PCDH15: variants seen among roughly 807,000 people sequenced by gnomAD.
PCDH15 encodes the protein protocadherin-15.
PCDH15 carries 129 observed loss-of-function variants against 178.5 expected under a neutral mutation model. The observed-to-expected ratio is 0.72, with a 90% CI of 0.63 to 0.84. The LOEUF (loss-of-function observed/expected upper bound fraction) is 0.84. PCDH15 is among the 40% of genes least tolerant of loss of function. The pLI, the probability that PCDH15 is intolerant of heterozygous loss-of-function variation, is 0.00. For missense variants in PCDH15, 2,230 were observed against 2,099.9 expected (o/e 1.06, Z -1.21); for synonymous variants, 800 against 732.0 (o/e 1.09, Z -1.50).
intron 3 of PCDH15, among the ~76,000 whole-genome samples, chr10:54,505,146 A>G (rs1444799039): frequency 1.3e-5 from 2 of 152,122 alleles, no homozygotes; most frequent in Non-Finnish European, 2.9e-5. Context: ...TGGTAACTTC[A>G]AATTGAGAAT....
At chr10:54,930,512 G>A (rs960437020) in intron 2 of PCDH15, among the ~76,000 whole-genome samples, 2 of 152,102 alleles carry the variant, frequency 1.3e-5, no homozygotes, top group South Asian at 2.1e-4. Context: ...CCCAGACAAC[G>A]ATGCTGCTTC....
At chr10:54,067,281 TAAAA>T (rs1226149939) in intron 17 of PCDH15, among the ~76,000 whole-genome samples, 2 of 152,138 alleles carry the variant, frequency 1.3e-5, no homozygotes, top group Non-Finnish European at 2.9e-5. Context: ...TTTGACTGTT[TAAAA>T]ATAAAACCAG....
At chr10:55,507,774 G>A (rs912056501) in intron 2 of PCDH15, among the ~76,000 whole-genome samples, 1 of 151,442 alleles carries the variant, frequency 6.6e-6, no homozygotes, top group Non-Finnish European at 1.5e-5. Context: ...CTAAAGCTTA[G>A]TCACAGAAAA....
intron 2 of PCDH15, among the ~76,000 whole-genome samples, chr10:55,021,134 A>T (rs1840317007): frequency 6.6e-6 from 1 of 152,190 alleles, no homozygotes; most frequent in African/African-American, 2.4e-5. Context: ...GAAATGATTG[A>T]GATTTGTCTA....
In PCDH15 at chr10:55,270,992, T is replaced by G. The variant is rs538912133; in HGVS notation, c.-156+48607A>C. Among the ~76,000 whole-genome samples, 7 of 152,218 alleles carry G rather than the reference T, an allele frequency of 4.6e-5. No homozygotes were observed. The South Asian group carries it at 1.0e-3, about 23-fold the overall frequency. On this transcript the variant is annotated intron_variant, in intron 1 of 5. Transcript: ENST00000458638. ...TGAAATCATGTGCTTCACGGTGATA[T>G]GGATGGCTCTGGAGGCCATAATCCT... is the stretch of plus-strand genomic sequence containing the variant.
intron 36 of PCDH15, 159 bp from the exon 37 acceptor site, chr10:53,810,823 T>TAAGA: frequency 1.5e-6 from 1 of 672,218 alleles, no homozygotes; most frequent in Non-Finnish European, 2.6e-6. Context: ...AACTATAGAG[T>TAAGA]AAGAACTGCT....
intron 8 of PCDH15, among the ~76,000 whole-genome samples, chr10:54,238,396 A>C (rs1047967546): frequency 1.3e-5 from 2 of 152,074 alleles, no homozygotes; most frequent in South Asian, 4.1e-4. Flanking sequence ...ATTATTGACC[A>C]ATAATTTAAA....
chr10:54,613,277 C>T (rs2093021808), intron 2 of PCDH15, among the ~76,000 whole-genome samples: 1 of 151,782 alleles, frequency 6.6e-6, no homozygotes, highest in African/African-American at 2.4e-5. Context: ...GAAACTTTAT[C>T]ACTCTCAAAC....
intron 5 of PCDH15, 36 bp from the exon 6 acceptor site, chr10:54,346,520 T>C (rs768585467): frequency 2.6e-5 from 42 of 1,608,694 alleles, no homozygotes; most frequent in Non-Finnish European, 3.5e-5. Context: ...TCAATTTTCA[T>C]TTTATCAACT....
chr10:54,066,811 T>C lies in PCDH15; in HGVS notation c.2166A>G (p.Pro722=), dbSNP rs2094144460. The change falls in exon 18 of 38, where the codon CCA becomes CCG. Residue 722 remains proline (P), a synonymous_variant. Coordinates refer to ENST00000644397, the MANE Select transcript of PCDH15 (RefSeq NM_001384140.1). The stretch of plus-strand genomic sequence containing the variant: ...CTTCTTCCACCACAGATAAATTTCT[T>C]GGCAGATAAGGATCAAACACTGGAG... ...DNAPVFDPYL[P]RNLSVVEEEA... 1.2e-6 allele frequency: 2 copies of C among 1,613,464 alleles called. No individual in the cohort carries two copies. Among genetic ancestry groups the C allele is most frequent in the Non-Finnish European group, 1.7e-6 (2 of 1,179,656 alleles).
At chr10:54,959,000 A>G (rs1287802869) in intron 2 of PCDH15, among the ~76,000 whole-genome samples, 1 of 151,942 alleles carries the variant, frequency 6.6e-6, no homozygotes, top group African/African-American at 2.4e-5. Context: ...TAAGGAGTCA[A>G]CTAATGGATG....
At chr10:54,170,479 TC>T (rs1262700108) in intron 13 of PCDH15, among the ~76,000 whole-genome samples, 1 of 151,986 alleles carries the variant, frequency 6.6e-6, no homozygotes, top group Middle Eastern at 3.4e-3. Flanking sequence ...TCTACAGTTC[TC>T]ATAACTTCCA....
At chr10:54,164,275 G>A (rs2045991446) in intron 13 of PCDH15, among the ~76,000 whole-genome samples, 2 of 152,124 alleles carry the variant, frequency 1.3e-5, no homozygotes, top group Non-Finnish European at 1.5e-5. Flanking sequence ...ATATTAAAGT[G>A]TATTGTGTTA....
chr10:54,630,396 A>G (rs972949347), intron 2 of PCDH15, among the ~76,000 whole-genome samples: 5 of 152,220 alleles, frequency 3.3e-5, no homozygotes, highest in Non-Finnish European at 4.4e-5. Context: ...AGACTCGACA[A>G]AAATTAGCAA....
chr10:55,223,773 C>T (rs1216753900), intron 1 of PCDH15, among the ~76,000 whole-genome samples: 1 of 152,112 alleles, frequency 6.6e-6, no homozygotes, highest in Non-Finnish European at 1.5e-5. Context: ...ATCTGCTAAA[C>T]TCTGGTCTTT....
At chr10:55,032,220 T>C (rs1402941708) in intron 2 of PCDH15, among the ~76,000 whole-genome samples, 1 of 152,206 alleles carries the variant, frequency 6.6e-6, no homozygotes, top group African/African-American at 2.4e-5. Context: ...AATATCTTAT[T>C]GGAATTTGTA....
intron 3 of PCDH15, among the ~76,000 whole-genome samples, chr10:54,497,652 G>T: frequency 6.6e-6 from 1 of 152,002 alleles, no homozygotes; most frequent in Non-Finnish European, 1.5e-5. Flanking sequence ...AATATGATTG[G>T]AAACAATAAT....
chr10:55,166,954 G>A (rs137902759), intron 1 of PCDH15, among the ~76,000 whole-genome samples: 382 of 152,228 alleles, frequency 2.5e-3, no homozygotes, highest in African/African-American at 8.3e-3. Context: ...TATTTGGTAT[G>A]ACCAGAGTCT....
At chr10:55,118,519 C>T (rs776877777) in intron 2 of PCDH15, among the ~76,000 whole-genome samples, 1 of 152,124 alleles carries the variant, frequency 6.6e-6, no homozygotes, top group Non-Finnish European at 1.5e-5. Flanking sequence ...AATCCCAGTG[C>T]CCAAACTGTC....
Sources: gnomAD v4.1 joint callset for allele counts (sites outside exome capture counted in the v4.1 genomes callset) on GRCh38, gnomAD v4.1.1 for gene constraint, MANE v1.5 for transcripts, NCBI Gene and HGNC (gene_info 2026-07-23, HGNC 2026-07-21) for gene names.